RNF38: variants seen among roughly 807,000 people sequenced by gnomAD.
RNF38 encodes ring finger protein 38, also known as E3 ubiquitin-protein ligase RNF38.
Under a neutral mutation model 67.2 loss-of-function variants are expected in RNF38, and 15 were observed. That is an observed-to-expected ratio of 0.22 (90% CI 0.15 to 0.34). The LOEUF is 0.34. Among genes scored for constraint, RNF38 ranks in the 10% least tolerant of loss-of-function variants. The pLI is 1.00. For synonymous variants in RNF38, 220 were observed against 218.8 expected, an observed-to-expected ratio of 1.01 and a Z score of -0.05; for missense variants, 524 against 639.9, an observed-to-expected ratio of 0.82 and a Z score of 1.95.
At chr9:36,401,628 C>A (rs1450824894), upstream of RNF38, among the ~76,000 whole-genome samples, 13 of 152,090 alleles carry the variant, frequency 8.5e-5, no homozygotes, top group Middle Eastern at 3.2e-3. Context: ...GCCGGCTTGG[C>A]TCCTGTCCTG....
At position 36,408,266 on chromosome 9, in the gene RNF38, A is replaced by AAT. The variant is rs375229173; in HGVS notation, n.312+16346_312+16347insAT. On this transcript the variant is annotated intron_variant and non_coding_transcript_variant, in intron 2 of 3. Coordinates refer to the RNF38 transcript ENST00000488058. ...GGCATACACCACCACAACAGACTTAATTTTTTTTTTTTTTTTTTGTAGAGA... is the reference window on the plus strand; with the variant it reads ...GGCATACACCACCACAACAGACTTAAATTTTTTTTTTTTTTTTTTTGTAGAGA... Among the ~76,000 whole-genome samples, 3 of 134,724 alleles carry AAT rather than the reference A, an allele frequency of 2.2e-5. No individual in the cohort carries two copies. The East Asian group carries it at 6.5e-4, about 29-fold the overall frequency. The allele number at this position is 134,724 out of a possible 152,430, so 88.4% of individuals were successfully genotyped here.
In RNF38 at chr9:36,414,897, C is replaced by T. The variant is rs370961064; in HGVS notation, n.312+9716G>A. Among the ~76,000 whole-genome samples, 4 of 152,122 alleles carry T rather than the reference C, an allele frequency of 2.6e-5. No homozygotes were observed. The East Asian group carries it at 5.8e-4, about 22-fold the overall frequency. On this transcript the variant is annotated intron_variant and non_coding_transcript_variant, in intron 2 of 3. Transcript: ENST00000488058. The stretch of plus-strand genomic sequence containing the variant: ...AACATAGGACTCCAATCCCTTCTAG[C>T]TTGCAGGGTTTCTGCTGAAAAACGT...
chr9:36,393,615 T>C (rs1837301419), intron 1 of RNF38, among the ~76,000 whole-genome samples: 1 of 151,722 alleles, frequency 6.6e-6, no homozygotes, highest in African/African-American at 2.4e-5. Flanking sequence ...GGCAGGGCTG[T>C]GAATGTGATG....
chr9:36,429,835 G>A (rs545894781), intron 1 of RNF38, among the ~76,000 whole-genome samples: 1 of 152,100 alleles, frequency 6.6e-6, no homozygotes, highest in South Asian at 2.1e-4. Flanking sequence ...AACAGTAATT[G>A]TACTACAGTT....
At position 36,368,730 on chromosome 9, in the gene RNF38, A is replaced by G. The variant is rs546180649; in HGVS notation, c.570+989T>C. Among the ~76,000 whole-genome samples, 4 of 152,114 alleles carry G rather than the reference A, an allele frequency of 2.6e-5. No homozygotes were observed. In the South Asian group the frequency reaches 8.3e-4, roughly 32 times the overall value. ...GTAAGATATTTTCTCAATTGTCACT[A>G]TGTGTTATTGTTTATTATCTAGTGC... On this transcript the variant is annotated intron_variant, in intron 4 of 11. Coordinates refer to ENST00000259605, the MANE Select transcript of RNF38 (RefSeq NM_022781.5).
rs939948343 is a variant in RNF38 at position 36,339,247 on chromosome 9, T to C, written c.*505A>G. On this transcript the variant is annotated 3_prime_UTR_variant, in exon 12 of 12. Coordinates refer to ENST00000259605, the MANE Select transcript of RNF38 (RefSeq NM_022781.5). ...CACACACATTCTTGGTACATGCTGG[T>C]ATATAGGATCTCATACACACGTTAG... 7 of 157,706 alleles carry C rather than the reference T, an allele frequency of 4.4e-5. No individual in the cohort carries two copies. Among genetic ancestry groups the C allele is most frequent in the African/African-American group, 1.7e-4 (7 of 41,554 alleles). 9.8% of individuals were successfully genotyped at this position (157,706 alleles called of 1,614,324 possible). A position where few individuals can be genotyped will look rare whatever the true frequency, so the allele number is the denominator to read the frequency against.
chr9:36,375,250 G>T (rs1187456254), intron 3 of RNF38, among the ~76,000 whole-genome samples: 1 of 152,156 alleles, frequency 6.6e-6, no homozygotes, highest in Admixed American at 6.5e-5. Context: ...GAGTGCAGTG[G>T]AACAATCATA....
At chr9:36,440,434 G>C (rs1344051728) in intron 1 of RNF38, among the ~76,000 whole-genome samples, 2 of 151,504 alleles carry the variant, frequency 1.3e-5, no homozygotes, top group Admixed American at 6.6e-5. Context: ...GGGAGGCTGA[G>C]GCAGGATAAT....
At chr9:36,462,038 G>A (rs1022897601) in intron 1 of RNF38, among the ~76,000 whole-genome samples, 9 of 152,182 alleles carry the variant, frequency 5.9e-5, no homozygotes, top group Non-Finnish European at 8.8e-5. Flanking sequence ...GCAAAGGTAA[G>A]AGGAAAACAA....
At chr9:36,346,960 T>G (rs1039673293) in intron 9 of RNF38, among the ~76,000 whole-genome samples, 6 of 151,432 alleles carry the variant, frequency 4.0e-5, no homozygotes, top group Non-Finnish European at 8.8e-5. Context: ...TCTACTAAAA[T>G]TACAAAAAAA....
intron 4 of RNF38, among the ~76,000 whole-genome samples, chr9:36,368,737 ATTGT>A (rs1261171205): frequency 1.3e-5 from 2 of 152,054 alleles, no homozygotes; most frequent in African/African-American, 4.8e-5. Flanking sequence ...ACTATGTGTT[ATTGT>A]TTATTATCTA....
At chr9:36,372,881 T>C (rs1835489776) in intron 3 of RNF38, among the ~76,000 whole-genome samples, 1 of 152,164 alleles carries the variant, frequency 6.6e-6, no homozygotes, top group Non-Finnish European at 1.5e-5. Context: ...CACAGAGAAA[T>C]GCACACACAA....
intron 1 of RNF38, among the ~76,000 whole-genome samples, chr9:36,467,244 T>TATATAC (rs1179467377): frequency 4.3e-4 from 38 of 87,726 alleles, no homozygotes; most frequent in African/African-American, 1.5e-3. Flanking sequence ...TATATATATA[T>TATATAC]ACACACACAC....
At chr9:36,439,022 C>A (rs1450332138) in intron 1 of RNF38, among the ~76,000 whole-genome samples, 2 of 143,920 alleles carry the variant, frequency 1.4e-5, no homozygotes, top group Non-Finnish European at 3.0e-5. Context: ...CAGGGGCCAC[C>A]TCATATTATC....
intron 1 of RNF38, among the ~76,000 whole-genome samples, chr9:36,483,354 C>T (rs1267076584): frequency 2.6e-5 from 4 of 151,178 alleles, no homozygotes; most frequent in Non-Finnish European, 4.4e-5. Context: ...CCACTGCACT[C>T]CAGCCTGGGC....
Position 36,339,555 on chromosome 9 carries a change from G to T in RNF38, c.*197C>A, listed in dbSNP as rs529399904. 9.4e-5 allele frequency: 47 copies of T among 501,484 alleles called. No homozygotes were observed. The South Asian group carries it at 1.6e-3, about 17-fold the overall frequency. The allele number at this position is 501,484 out of a possible 1,614,324, so 31.1% of individuals were successfully genotyped here. On this transcript the variant is annotated 3_prime_UTR_variant, in exon 12 of 12. Coordinates refer to ENST00000259605, the MANE Select transcript of RNF38 (RefSeq NM_022781.5). ...AAAGTCTTTGGAGTTCCAATCACACGGTTAGTATAACAATCCCATAACTGT... is the reference window on the plus strand; with the variant it reads ...AAAGTCTTTGGAGTTCCAATCACACTGTTAGTATAACAATCCCATAACTGT...
chr9:36,356,351 C>T lies in RNF38; in HGVS notation c.861G>A (p.Leu287=). The change falls in exon 6 of 12, where the codon TTG becomes TTA. Residue 287 remains leucine, a synonymous_variant. Coordinates refer to ENST00000259605, the MANE Select transcript of RNF38 (RefSeq NM_022781.5). ...PHLSPHHPPH[L]PPPGQFVPFQ... Reference sequence around the variant, plus strand: ...AAGGGACAAACTGGCCTGGTGGTGGCAAATGAGGAGGATGATGGGGAGAAA... The same window carrying T: ...AAGGGACAAACTGGCCTGGTGGTGGTAAATGAGGAGGATGATGGGGAGAAA... The T allele has an allele frequency of 1.2e-6, 2 of 1,613,768 alleles. No individual in the cohort carries two copies. Among genetic ancestry groups the T allele is most frequent in the Non-Finnish European group, 1.7e-6 (2 of 1,179,962 alleles).
intron 9 of RNF38, among the ~76,000 whole-genome samples, chr9:36,346,671 T>A (rs570886839): frequency 9.6e-4 from 129 of 133,974 alleles, no homozygotes; most frequent in Non-Finnish European, 1.7e-3. Context: ...AGAAATAAAT[T>A]CCCCAAATGT....
chr9:36,342,699 G>T lies in RNF38; in HGVS notation c.1386-275C>A, dbSNP rs576132622. On this transcript the variant is annotated intron_variant, in intron 10 of 11. Coordinates refer to ENST00000259605, the MANE Select transcript of RNF38 (RefSeq NM_022781.5). ...AAAAAAAATGGTATTAGAACTGGAT[G>T]TCCACATACAAAAGAATAAAGGTGG... Among the ~76,000 whole-genome samples, 3 of 152,220 alleles carry T rather than the reference G, an allele frequency of 2.0e-5. No homozygotes were observed. The East Asian group carries it at 5.8e-4, about 29-fold the overall frequency.
Sources: gnomAD v4.1 joint callset for allele counts (sites outside exome capture counted in the v4.1 genomes callset) on GRCh38, gnomAD v4.1.1 for gene constraint, MANE v1.5 for transcripts, NCBI Gene and HGNC (gene_info 2026-07-23, HGNC 2026-07-21) for gene names.